CDH13: variants seen among roughly 807,000 people sequenced by gnomAD.
CDH13 encodes the protein cadherin-13.
A neutral mutation model predicts 63.8 loss-of-function variants in CDH13; 24 were observed. That is an observed-to-expected ratio of 0.38 (90% CI 0.27 to 0.53). CDH13 has a LOEUF of 0.53. Ranked by LOEUF, CDH13 falls within the 20% of genes least tolerant of loss-of-function variation. The probability of loss-of-function intolerance (pLI) is 0.85; values close to 1 mark genes in which losing one functional copy is unlikely to be tolerated. For synonymous variants in CDH13, 503 were observed against 355.3 expected (o/e 1.42, Z -4.67); for missense variants, 1,049 against 903.1 (o/e 1.16, Z -2.07).
chr16:83,050,228 G>A (rs1203138536), intron 3 of CDH13, among the ~76,000 whole-genome samples: 1 of 151,942 alleles, frequency 6.6e-6, no homozygotes, highest in Non-Finnish European at 1.5e-5. Flanking sequence ...ACTTGCTTTT[G>A]GGTTTATACC....
intron 1 of CDH13, among the ~76,000 whole-genome samples, chr16:82,835,979 G>A (rs557300215): frequency 1.3e-5 from 2 of 152,316 alleles, no homozygotes; most frequent in East Asian, 3.9e-4. Context: ...GGTCTCGCAT[G>A]TCAGAATTTG....
intron 2 of CDH13, among the ~76,000 whole-genome samples, chr16:82,933,846 G>A (rs903064114): frequency 5.3e-5 from 8 of 152,228 alleles, no homozygotes; most frequent in African/African-American, 1.9e-4. Context: ...CTTTGACTCT[G>A]TGTCTCACAT....
At chr16:82,998,789 G>C (rs867484132) in intron 2 of CDH13, among the ~76,000 whole-genome samples, 3 of 150,966 alleles carry the variant, frequency 2.0e-5, no homozygotes, top group Middle Eastern at 3.6e-3. Flanking sequence ...GGTTTCACAG[G>C]CTCCCCTAAA....
chr16:83,529,149 G>A (rs2075027819), intron 7 of CDH13, among the ~76,000 whole-genome samples: 1 of 148,164 alleles, frequency 6.7e-6, no homozygotes, highest in Non-Finnish European at 1.5e-5. Context: ...TCTTCAGGAA[G>A]TTAAGCCCCA....
At chr16:83,547,072 G>T (rs1176436469) in intron 7 of CDH13, among the ~76,000 whole-genome samples, 1 of 152,194 alleles carries the variant, frequency 6.6e-6, no homozygotes, top group East Asian at 1.9e-4. Flanking sequence ...CCATAAAGGT[G>T]AATGTGTCAA....
At chr16:83,081,237 C>A (rs549594027) in intron 3 of CDH13, among the ~76,000 whole-genome samples, 1 of 151,942 alleles carries the variant, frequency 6.6e-6, no homozygotes, top group Non-Finnish European at 1.5e-5. Flanking sequence ...GCCATTGAAT[C>A]GTATTTATTG....
intron 1 of CDH13, among the ~76,000 whole-genome samples, chr16:82,775,676 C>G (rs1180090638): frequency 1.3e-5 from 2 of 152,154 alleles, no homozygotes; most frequent in South Asian, 2.1e-4. Flanking sequence ...AAGTGAAACC[C>G]AGGCATTTTG....
chr16:82,883,112 T>A (rs1303784601), intron 2 of CDH13, among the ~76,000 whole-genome samples: 1 of 152,152 alleles, frequency 6.6e-6, no homozygotes, highest in Non-Finnish European at 1.5e-5. Context: ...ACAATGGGGT[T>A]TCACACCATT....
Position 82,799,101 on chromosome 16 carries a change from G to T in CDH13, c.46-59261G>T, listed in dbSNP as rs115243918. Among the ~76,000 whole-genome samples, 114 of 152,246 alleles carry T rather than the reference G, an allele frequency of 7.5e-4. 1 individual carries two copies. Among genetic ancestry groups the T allele is most frequent in the African/African-American group, 2.6e-3 (108 of 41,538 alleles). On this transcript the variant is annotated intron_variant, in intron 1 of 13. Transcript: ENST00000567109. Reference sequence around the variant, plus strand: ...TCTGAGAATGATAGATAAACATGAAGATACTGGAGAAGTCAATTATATATC... The same window carrying T: ...TCTGAGAATGATAGATAAACATGAATATACTGGAGAAGTCAATTATATATC...
intron 3 of CDH13, among the ~76,000 whole-genome samples, chr16:83,116,666 G>T (rs188461118): frequency 1.3e-5 from 2 of 152,234 alleles, no homozygotes; most frequent in African/African-American, 4.8e-5. Context: ...TCATTTAAGG[G>T]TGATGGAGAT....
At chr16:83,238,687 C>G (rs142491677) in intron 5 of CDH13, among the ~76,000 whole-genome samples, 125 of 152,298 alleles carry the variant, frequency 8.2e-4, no homozygotes, top group African/African-American at 2.6e-3. Context: ...TCTCAGGCAC[C>G]TAAAGTCAAA....
intron 1 of CDH13, chr16:82,844,439 A>C (rs2039164730): frequency 1.3e-5 from 2 of 151,520 alleles, no homozygotes; most frequent in East Asian, 4.0e-4. Flanking sequence ...CTCTCTACTA[A>C]AAATACAAAA....
rs934447929 is a variant in CDH13, at chr16:83,757,306, G to T, written c.1681+9056G>T. On this transcript the variant is annotated intron_variant, in intron 11 of 13. Transcript: ENST00000567109. ...AAATCAACAAATCCAGGCTGGGCAC[G>T]GTGGCTCACTCCTGTAATCCCAGAA... 1.3e-5 allele frequency among the ~76,000 whole-genome samples: 2 copies of T among 152,240 alleles called. 1 individual carries two copies. The highest frequency in any genetic ancestry group is 4.1e-4 in the South Asian group (2 of 4,824).
At chr16:83,585,767 C>G (rs944397688) in intron 7 of CDH13, among the ~76,000 whole-genome samples, 1 of 151,938 alleles carries the variant, frequency 6.6e-6, no homozygotes, top group African/African-American at 2.4e-5. Flanking sequence ...CCAGCCCAAC[C>G]CATACAGGGC....
chr16:83,530,876 G>A (rs1567741435), intron 7 of CDH13, among the ~76,000 whole-genome samples: 1 of 152,156 alleles, frequency 6.6e-6, no homozygotes, highest in Non-Finnish European at 1.5e-5. Context: ...GTCTGTGCAT[G>A]GTGGGTCAGA....
At chr16:83,687,961 G>A (rs1390173674) in intron 10 of CDH13, among the ~76,000 whole-genome samples, 1 of 152,114 alleles carries the variant, frequency 6.6e-6, no homozygotes, top group Non-Finnish European at 1.5e-5. Flanking sequence ...TTTTTAAGTC[G>A]TTTCCTTCCT....
At chr16:83,185,219 C>T (rs905843805) in intron 4 of CDH13, among the ~76,000 whole-genome samples, 1 of 152,094 alleles carries the variant, frequency 6.6e-6, no homozygotes, top group Non-Finnish European at 1.5e-5. Flanking sequence ...TACATTCATA[C>T]CCCATCTTTT....
intron 1 of CDH13, among the ~76,000 whole-genome samples, chr16:82,726,141 G>A (rs1342392908): frequency 6.6e-6 from 1 of 152,176 alleles, no homozygotes; most frequent in Non-Finnish European, 1.5e-5. Flanking sequence ...ACGTAAATGT[G>A]TGTGTGCTGT....
At chr16:82,979,449 G>C (rs563278093) in intron 2 of CDH13, among the ~76,000 whole-genome samples, 2 of 152,144 alleles carry the variant, frequency 1.3e-5, no homozygotes, top group African/African-American at 4.8e-5. Flanking sequence ...TGGGAGGGAC[G>C]TGGGGGGAGA....
Sources: gnomAD v4.1 joint callset for allele counts (sites outside exome capture counted in the v4.1 genomes callset) on GRCh38, gnomAD v4.1.1 for gene constraint, MANE v1.5 for transcripts, NCBI Gene and HGNC (gene_info 2026-07-23, HGNC 2026-07-21) for gene names.